RYR2: variants seen among roughly 807,000 people sequenced by gnomAD.
The protein encoded by RYR2 is cardiac muscle ryanodine receptor-calcium release channel.
RYR2 carries 227 observed loss-of-function variants against 601.1 expected under a neutral mutation model. The observed-to-expected ratio is 0.38, with a 90% CI of 0.34 to 0.42. RYR2 has a LOEUF of 0.42. Ranked by LOEUF, RYR2 falls within the 10% of genes least tolerant of loss-of-function variation. The probability of loss-of-function intolerance (pLI) is 1.00; values close to 1 mark genes in which losing one functional copy is unlikely to be tolerated. For synonymous variants in RYR2, 2,223 were observed against 2,175.1 expected, an observed-to-expected ratio of 1.02 and a Z score of -0.61; for missense variants, 4,646 against 6,156.5, an observed-to-expected ratio of 0.75 and a Z score of 8.21.
At chr1:237,534,608 A>G (rs1668425708) in intron 25 of RYR2, among the ~76,000 whole-genome samples, 1 of 151,998 alleles carries the variant, frequency 6.6e-6, no homozygotes, top group African/African-American at 2.4e-5. Flanking sequence ...ACACACTTAG[A>G]CATTTAAAAA....
chr1:237,089,543 T>C (rs1048725594), intron 1 of RYR2, among the ~76,000 whole-genome samples: 41 of 152,238 alleles, frequency 2.7e-4, no homozygotes, highest in Admixed American at 2.7e-3. Context: ...AACTAAAATG[T>C]ATCTTGTCAA....
rs12071187 is a variant in RYR2 at position 237,232,607 on chromosome 1, G to T, written c.49-37890G>T. On this transcript the variant is annotated intron_variant, in intron 1 of 104. Transcript: ENST00000366574. ...CAAATTAATCAAACCCAAGGAGAGG[G>T]TCATGCTCCAGATCCTCGCAACTTG... Among the ~76,000 whole-genome samples the T allele has an allele frequency of 7.4e-3, 1,124 of 152,256 alleles. 12 individuals are homozygous for T. The highest frequency in any genetic ancestry group is 0.024 in the African/African-American group (997 of 41,556).
At chr1:237,400,712 T>C (rs1703275633) in intron 10 of RYR2, among the ~76,000 whole-genome samples, 1 of 152,070 alleles carries the variant, frequency 6.6e-6, no homozygotes, top group Non-Finnish European at 1.5e-5. Flanking sequence ...CCACTCCCAC[T>C]GAGAAAAACT....
chr1:237,240,041 G>A (rs1169492069), intron 1 of RYR2, among the ~76,000 whole-genome samples: 1 of 152,186 alleles, frequency 6.6e-6, no homozygotes, highest in African/African-American at 2.4e-5. Context: ...TGCCATTAGT[G>A]CTTAAGCACA....
chr1:237,734,347 C>T (rs574566865), intron 79 of RYR2, among the ~76,000 whole-genome samples: 8 of 152,218 alleles, frequency 5.3e-5, no homozygotes, highest in African/African-American at 1.7e-4. Context: ...ACCATCATAT[C>T]TTGTGAGAAC....
At position 237,742,171 on chromosome 1, in the gene RYR2, G is replaced by A; in HGVS notation, c.11092-125G>A. On this transcript the variant is annotated intron_variant, in intron 79 of 104. Coordinates refer to ENST00000366574, the MANE Select transcript of RYR2 (RefSeq NM_001035.3). ...GTCATCTAAGCATTCTATCTTACAT[G>A]TGTTTAAACAAGGTTGATGATAAAT... 3 of 666,200 alleles carry A rather than the reference G, an allele frequency of 4.5e-6. 1 individual carries two copies. Among genetic ancestry groups the A allele is most frequent in the South Asian group, 3.6e-5 (2 of 56,058 alleles). 41.3% of individuals were successfully genotyped at this position (666,200 alleles called of 1,614,324 possible). A position where few individuals can be genotyped will look rare whatever the true frequency, so the allele number is the denominator to read the frequency against.
chr1:237,607,044 T>C (rs187969622), intron 35 of RYR2, among the ~76,000 whole-genome samples: 152 of 152,342 alleles, frequency 1.0e-3, no homozygotes, highest in African/African-American at 3.5e-3. Flanking sequence ...GAACTAGAAA[T>C]ACCATTTGAC....
intron 8 of RYR2, among the ~76,000 whole-genome samples, chr1:237,381,782 AG>A (rs1701540127): frequency 6.6e-6 from 1 of 152,198 alleles, no homozygotes; most frequent in South Asian, 2.1e-4. Context: ...TGAGGTATAA[AG>A]GGTCTTAAGC....
chr1:237,601,445 G>T (rs529689167), intron 34 of RYR2, among the ~76,000 whole-genome samples: 22 of 152,232 alleles, frequency 1.4e-4, no homozygotes, highest in Middle Eastern at 3.4e-3. Context: ...AGGTGAAAGT[G>T]GGGGAGAGGG....
intron 10 of RYR2, among the ~76,000 whole-genome samples, chr1:237,400,103 G>A (rs1703213427): frequency 6.6e-6 from 1 of 152,066 alleles, no homozygotes; most frequent in African/African-American, 2.4e-5. Context: ...GTAAGTTTGG[G>A]AGATTGTATC....
At chr1:237,374,487 A>G (rs1700872944) in intron 6 of RYR2, among the ~76,000 whole-genome samples, 1 of 152,110 alleles carries the variant, frequency 6.6e-6, no homozygotes, top group African/African-American at 2.4e-5. Flanking sequence ...GTGAAACCAT[A>G]TCTCTACAAA....
intron 51 of RYR2, among the ~76,000 whole-genome samples, chr1:237,652,199 T>C (rs551447632): frequency 7.6e-4 from 116 of 152,320 alleles, no homozygotes; most frequent in African/African-American, 2.7e-3. Flanking sequence ...CAGGTTCCAA[T>C]TGTCACTTCA....
chr1:237,213,186 AT>A (rs57655964), intron 1 of RYR2, among the ~76,000 whole-genome samples: 33 of 150,760 alleles, frequency 2.2e-4, no homozygotes, highest in African/African-American at 6.8e-4. Flanking sequence ...GTTTTTAAAT[AT>A]TTTTTTTTGA....
chr1:237,584,265 C>T (rs1478438346), intron 29 of RYR2, among the ~76,000 whole-genome samples: 1 of 152,066 alleles, frequency 6.6e-6, no homozygotes, highest in Non-Finnish European at 1.5e-5. Flanking sequence ...GAATTGAACC[C>T]CAGTTATGTT....
chr1:237,567,598 CA>C, intron 28 of RYR2, among the ~76,000 whole-genome samples: 1 of 150,910 alleles, frequency 6.6e-6, no homozygotes, highest in African/African-American at 2.4e-5. Context: ...TCAAAACAAA[CA>C]AAAAAATAAT....
At chr1:237,127,473 C>T (rs1215839291) in intron 1 of RYR2, among the ~76,000 whole-genome samples, 2 of 151,166 alleles carry the variant, frequency 1.3e-5, no homozygotes, top group Non-Finnish European at 3.0e-5. Flanking sequence ...GCTGACCCCC[C>T]CACCTCCTTC....
chr1:237,591,875 C>A (rs184523301), intron 32 of RYR2, 22 bp downstream of exon 32: 2 of 1,565,738 alleles, frequency 1.3e-6, no homozygotes, highest in South Asian at 1.1e-5. Flanking sequence ...CAGCTTTTGT[C>A]GTTTATTTCT....
At chr1:237,297,333 A>G (rs1017772947) in intron 2 of RYR2, among the ~76,000 whole-genome samples, 2 of 152,172 alleles carry the variant, frequency 1.3e-5, no homozygotes, top group Non-Finnish European at 2.9e-5. Flanking sequence ...CTCCACTATA[A>G]CAAACTGCAG....
chr1:237,263,485 G>A (rs2149320534), intron 1 of RYR2, among the ~76,000 whole-genome samples: 1 of 152,292 alleles, frequency 6.6e-6, no homozygotes, highest in Admixed American at 6.5e-5. Flanking sequence ...AGTGATTTCT[G>A]TCTGCAAGTA....
Sources: allele counts gnomAD v4.1 joint callset (sites outside exome capture counted in the v4.1 genomes callset), GRCh38; gene constraint gnomAD v4.1.1; transcripts MANE v1.5; gene names NCBI Gene and HGNC (gene_info 2026-07-23, HGNC 2026-07-21).